The following TPTE2 variants were observed in gnomAD, a reference collection of about 807,000 sequenced individuals.
TPTE2 encodes the protein transmembrane phosphoinositide 3-phosphatase and tensin homolog 2.
In TPTE2, 53 loss-of-function variants were observed where a neutral mutation model predicts 78.6. That is an observed-to-expected ratio of 0.67 (90% CI 0.54 to 0.85). The LOEUF is 0.85. Among genes scored for constraint, TPTE2 ranks in the 40% least tolerant of loss-of-function variants. The pLI is 0.00. For synonymous variants in TPTE2, 175 were observed against 206.2 expected (o/e 0.85, Z 1.30); for missense variants, 461 against 623.0 (o/e 0.74, Z 2.77).
exon 3 of TPTE2, chr13:19,492,873 G>A (rs1881080775): frequency 6.2e-7 from 1 of 1,613,858 alleles, no homozygotes; most frequent in Non-Finnish European, 8.5e-7. Flanking sequence ...GTGACACCAG[G>A]GCTGCTCCTT....
intron 1 of TPTE2, among the ~76,000 whole-genome samples, chr13:19,493,939 A>AG (rs1881159103): frequency 1.3e-5 from 2 of 152,170 alleles, no homozygotes; most frequent in African/African-American, 4.8e-5. Context: ...GGTCTGACAC[A>AG]GGGGCACAAT....
intron 16 of TPTE2, among the ~76,000 whole-genome samples, 165 bp from the exon 20 acceptor site, chr13:19,430,712 G>C (rs1448248495): frequency 6.6e-6 from 1 of 152,188 alleles, no homozygotes; most frequent in Non-Finnish European, 1.5e-5. Flanking sequence ...GAAAGACAAG[G>C]CTTCAAGCCC....
chr13:19,529,744 G>T (rs1870747417), intron 1 of TPTE2, among the ~76,000 whole-genome samples: 1 of 152,144 alleles, frequency 6.6e-6, no homozygotes, highest in Admixed American at 6.6e-5. Context: ...AGCTCACCTA[G>T]AGTCTAAAAG....
chr13:19,441,012 G>C (rs1877456217), intron 13 of TPTE2, among the ~76,000 whole-genome samples: 1 of 151,874 alleles, frequency 6.6e-6, no homozygotes, highest in African/African-American at 2.4e-5. Flanking sequence ...ACTTGAACCT[G>C]GGGGGTGGAG....
the TPTE2 span, among the ~76,000 whole-genome samples, chr13:19,544,060 CAAAAAAA>C: frequency 4.4e-4 from 14 of 31,982 alleles, no homozygotes; most frequent in East Asian, 3.1e-3. Flanking sequence ...GAACCTGTCT[CAAAAAAA>C]AAAAAAAAAA....
intron 1 of TPTE2, among the ~76,000 whole-genome samples, chr13:19,497,767 T>G (rs1474646910): frequency 6.6e-6 from 1 of 151,406 alleles, no homozygotes; most frequent in African/African-American, 2.4e-5. Context: ...AGGAACGCAG[T>G]TCCTCACCAG....
At chr13:19,483,255 A>T (rs1394377446) in intron 3 of TPTE2, among the ~76,000 whole-genome samples, 1 of 152,230 alleles carries the variant, frequency 6.6e-6, no homozygotes, top group African/African-American at 2.4e-5. Flanking sequence ...TCTTCCTTTC[A>T]CAAGTGAGGA....
chr13:19,492,176 T>C (rs912646059), intron 3 of TPTE2, among the ~76,000 whole-genome samples: 1 of 152,126 alleles, frequency 6.6e-6, no homozygotes, highest in African/African-American at 2.4e-5. Flanking sequence ...ACCATCTCCT[T>C]CCTTTCACTG....
intron 15 of TPTE2, among the ~76,000 whole-genome samples, chr13:19,434,233 G>T (rs1486386344): frequency 1.3e-5 from 2 of 152,174 alleles, no homozygotes; most frequent in African/African-American, 4.8e-5. Context: ...GTCCCTAAAA[G>T]AAACACAAAG....
chr13:19,484,292 G>T (rs142461839), intron 3 of TPTE2, among the ~76,000 whole-genome samples: 3,857 of 152,190 alleles, frequency 0.025, 130 homozygotes, highest in African/African-American at 0.075. Context: ...TGTTATGAAT[G>T]TCTAGTTTTA....
intron 1 of TPTE2, among the ~76,000 whole-genome samples, chr13:19,498,643 A>G (rs958511073): frequency 6.6e-6 from 1 of 152,154 alleles, no homozygotes; most frequent in Non-Finnish European, 1.5e-5. Context: ...GAGCTCCTGA[A>G]GGAAGCGCTA....
chr13:19,460,324 G>A (rs926063103), intron 10 of TPTE2, among the ~76,000 whole-genome samples: 3 of 152,156 alleles, frequency 2.0e-5, no homozygotes, highest in African/African-American at 7.2e-5. Context: ...GCTCCATGCC[G>A]CCCCCGGCTG....
chr13:19,530,625 G>T (rs924071848), intron 1 of TPTE2, among the ~76,000 whole-genome samples: 1 of 151,956 alleles, frequency 6.6e-6, no homozygotes, highest in Non-Finnish European at 1.5e-5. Flanking sequence ...GATCACTGCC[G>T]CCTTGAACTC....
upstream of TPTE2, among the ~76,000 whole-genome samples, chr13:19,538,072 C>T (rs931443876): frequency 2.0e-5 from 3 of 152,136 alleles, no homozygotes; most frequent in African/African-American, 4.8e-5. Flanking sequence ...AAGTTTGATG[C>T]TTATCTTTTC....
intron 4 of TPTE2, among the ~76,000 whole-genome samples, chr13:19,479,681 A>C (rs61662368): frequency 0.027 from 4,072 of 152,240 alleles, 97 homozygotes; most frequent in African/African-American, 0.058. Context: ...AAAGAGATAG[A>C]GGCCAGGCGC....
upstream of TPTE2, among the ~76,000 whole-genome samples, chr13:19,506,570 T>G (rs1203883250): frequency 6.6e-6 from 1 of 152,164 alleles, no homozygotes; most frequent in Non-Finnish European, 1.5e-5. Flanking sequence ...TAAAAGCATA[T>G]TATTCAGATA....
intron 11 of TPTE2, 48 bp downstream of exon 14, chr13:19,451,117 T>C (rs768884306): frequency 6.3e-7 from 1 of 1,597,620 alleles, no homozygotes; most frequent in Non-Finnish European, 8.5e-7. Context: ...TTACGTGCAG[T>C]AATCTGTTTT....
intron 1 of TPTE2, among the ~76,000 whole-genome samples, chr13:19,498,098 GA>G: frequency 6.6e-6 from 1 of 151,560 alleles, no homozygotes. Context: ...GAAGTTTAGA[GA>G]AAAAAGAATA....
At chr13:19,519,390 T>G (rs1870010538) in intron 1 of TPTE2, among the ~76,000 whole-genome samples, 1 of 152,210 alleles carries the variant, frequency 6.6e-6, no homozygotes, top group South Asian at 2.1e-4. Flanking sequence ...CACCTATGTT[T>G]TTGTCTAAGA....
Sources: gnomAD v4.1 joint callset for allele counts (sites outside exome capture counted in the v4.1 genomes callset) on GRCh38, gnomAD v4.1.1 for gene constraint, MANE v1.5 for transcripts, NCBI Gene and HGNC (gene_info 2026-07-23, HGNC 2026-07-21) for gene names.